Variants in TPX2 observed in about 807,000 individuals in gnomAD.
TPX2 encodes the protein TPX2 microtubule nucleation factor, also known as targeting protein for Xklp2.
Under a neutral mutation model 93.6 loss-of-function variants are expected in TPX2, and 21 were observed. The ratio of observed to expected loss-of-function variants is 0.22; its 90% CI spans 0.16 to 0.32. The LOEUF is 0.32. Among genes scored for constraint, TPX2 ranks in the 10% least tolerant of loss-of-function variants. The pLI, the probability that TPX2 is intolerant of heterozygous loss-of-function variation, is 1.00. For synonymous variants in TPX2, 281 were observed against 298.3 expected, an observed-to-expected ratio of 0.94 and a Z score of 0.60; for missense variants, 776 against 871.1, an observed-to-expected ratio of 0.89 and a Z score of 1.37.
intron 2 of TPX2, among the ~76,000 whole-genome samples, chr20:31,744,533 T>C (rs2030451748): frequency 6.6e-6 from 1 of 152,044 alleles, no homozygotes; most frequent in Non-Finnish European, 1.5e-5. Flanking sequence ...CTTTTCTTTT[T>C]TGTTTTTTTT....
intron 15 of TPX2, among the ~76,000 whole-genome samples, chr20:31,795,422 C>G (rs2062132279): frequency 6.6e-6 from 1 of 152,274 alleles, no homozygotes; most frequent in Non-Finnish European, 1.5e-5. Flanking sequence ...GCATGAGCTG[C>G]TGTGCCCAAT....
intron 6 of TPX2, 127 bp from the exon 7 acceptor site, chr20:31,771,433 T>G: frequency 8.3e-7 from 1 of 1,202,558 alleles, no homozygotes; most frequent in Non-Finnish European, 1.1e-6. Context: ...AAGAATCATG[T>G]GGTCGAAGCA....
intron 3 of TPX2, among the ~76,000 whole-genome samples, chr20:31,758,540 T>A (rs1014048873): frequency 6.6e-6 from 1 of 152,246 alleles, no homozygotes; most frequent in Non-Finnish European, 1.5e-5. Flanking sequence ...AAATAATATC[T>A]GAGACTAGTT....
intron 4 of TPX2, among the ~76,000 whole-genome samples, chr20:31,765,597 A>C (rs2061920087): frequency 6.6e-6 from 1 of 152,072 alleles, no homozygotes; most frequent in Admixed American, 6.6e-5. Flanking sequence ...TCACTATTTT[A>C]ACTTGTGCTG....
Position 31,782,374 on chromosome 20 carries a change from C to A in TPX2, c.1180C>A (p.Leu394Ile). The A allele has an allele frequency of 6.2e-7, 1 of 1,610,364 alleles. No homozygotes were observed. The highest frequency in any genetic ancestry group is 1.1e-5 in the South Asian group (1 of 90,362). The change falls in exon 11 of 18, where the codon CTC becomes ATC. Residue 394 changes from leucine (L) to isoleucine (I), a missense_variant. Transcript: ENST00000300403. Reference protein sequence around the residue: ...KSTAELEAEELEKLQQYKFKA... With the variant: ...KSTAELEAEEIEKLQQYKFKA... ...TACAGCAGAGCTGGAGGCTGAGGAG[C>A]TCGAGAAATTGCAACAGTAAGTCCC...
At chr20:31,770,532 T>G in intron 6 of TPX2, 61 bp downstream of exon 6, 2 of 1,390,334 alleles carry the variant, frequency 1.4e-6, no homozygotes, top group Non-Finnish European at 1.9e-6. Context: ...ATACCACTTG[T>G]AAGTTTCTTT....
chr20:31,751,384 A>G (rs1460458069), intron 2 of TPX2, among the ~76,000 whole-genome samples: 1 of 152,076 alleles, frequency 6.6e-6, no homozygotes, highest in Admixed American at 6.6e-5. Flanking sequence ...ATGGGAATCC[A>G]AGATTTTCCC....
intron 4 of TPX2, among the ~76,000 whole-genome samples, chr20:31,763,797 A>G (rs2061906433): frequency 6.8e-6 from 1 of 147,094 alleles, no homozygotes; most frequent in Admixed American, 7.0e-5. Context: ...AGGTGGGCGG[A>G]TCACAAGGTC....
intron 4 of TPX2, among the ~76,000 whole-genome samples, chr20:31,764,489 A>G (rs1293734182): frequency 6.6e-6 from 1 of 152,054 alleles, no homozygotes; most frequent in Non-Finnish European, 1.5e-5. Context: ...GTTTGAAATG[A>G]TCTTCTTTAT....
At chr20:31,767,398 T>C (rs1600371751) in intron 5 of TPX2, among the ~76,000 whole-genome samples, 1 of 152,016 alleles carries the variant, frequency 6.6e-6, no homozygotes, top group Non-Finnish European at 1.5e-5. Flanking sequence ...TGAGACAGGG[T>C]CTTGTTCTGT....
At chr20:31,790,788 A>C (rs1302059440) in intron 12 of TPX2, among the ~76,000 whole-genome samples, 1 of 152,194 alleles carries the variant, frequency 6.6e-6, no homozygotes, top group African/African-American at 2.4e-5. Context: ...CTGATGGAGT[A>C]AAATAGTCTC....
chr20:31,795,080 C>T (rs190874356), intron 15 of TPX2, among the ~76,000 whole-genome samples: 4 of 152,062 alleles, frequency 2.6e-5, no homozygotes, highest in African/African-American at 4.8e-5. Flanking sequence ...CTCGGCTTCC[C>T]GAAGTGCTGG....
intron 3 of TPX2, among the ~76,000 whole-genome samples, chr20:31,758,103 A>AC (rs1326064651): frequency 7.4e-6 from 1 of 134,456 alleles, no homozygotes; most frequent in Non-Finnish European, 1.6e-5. Context: ...CCCTCCTGCC[A>AC]CCCCTCCCTC....
chr20:31,761,940 G>A (rs1014266967), intron 4 of TPX2, among the ~76,000 whole-genome samples: 14 of 152,036 alleles, frequency 9.2e-5, no homozygotes, highest in African/African-American at 3.1e-4. Context: ...ATTTTTCATA[G>A]TGTCCATTCT....
intron 8 of TPX2, 68 bp from the exon 9 acceptor site, chr20:31,777,419 G>A (rs2062007392): frequency 4.5e-6 from 7 of 1,555,576 alleles, no homozygotes; most frequent in Non-Finnish European, 5.2e-6. Flanking sequence ...AAGGACTGGA[G>A]TAAAGGGGAT....
At chr20:31,781,940 CA>C (rs528742649) in intron 10 of TPX2, among the ~76,000 whole-genome samples, 1 of 151,392 alleles carries the variant, frequency 6.6e-6, no homozygotes, top group East Asian at 1.9e-4. Flanking sequence ...GACCCTGTCT[CA>C]AAAAAAAGAA....
In TPX2 at chr20:31,757,529, A is replaced by G. The variant is rs1257604668; in HGVS notation, c.53A>G (p.Asn18Ser). The G allele has an allele frequency of 4.3e-6, 7 of 1,613,990 alleles. No individual in the cohort carries two copies. The East Asian group carries it at 6.7e-5, about 15-fold the overall frequency. The change falls in exon 3 of 18, where the codon AAT becomes AGT. Residue 18 changes from asparagine to serine, a missense_variant. By Grantham distance (46) the Asn-to-Ser change is conservative. Coordinates refer to ENST00000300403, the MANE Select transcript of TPX2 (RefSeq NM_012112.5). ...YSYDAPSDFI[N>S]FSSLDDEGDT... ...TATGATGCCCCCTCGGATTTCATCA[A>G]TTTTTCATCCTTGGATGATGAAGGA...
chr20:31,775,471 G>T (rs1405113853), intron 7 of TPX2, among the ~76,000 whole-genome samples: 1 of 151,694 alleles, frequency 6.6e-6, no homozygotes, highest in Non-Finnish European at 1.5e-5. Flanking sequence ...CCCCTCCCAG[G>T]TTCAAGCAAT....
At chr20:31,761,494 C>T (rs1227287870) in intron 4 of TPX2, among the ~76,000 whole-genome samples, 1 of 152,140 alleles carries the variant, frequency 6.6e-6, no homozygotes, top group Non-Finnish European at 1.5e-5. Context: ...GCCACTGCAC[C>T]CGGTCAATAT....
Sources: gnomAD v4.1 joint callset for allele counts (sites outside exome capture counted in the v4.1 genomes callset) on GRCh38, gnomAD v4.1.1 for gene constraint, MANE v1.5 for transcripts, NCBI Gene and HGNC (gene_info 2026-07-23, HGNC 2026-07-21) for gene names.